The following DND1 variants were observed in gnomAD, a reference collection of about 807,000 sequenced individuals.
The protein encoded by DND1 is dead end protein homolog 1.
A neutral mutation model predicts 30.4 loss-of-function variants in DND1; 6 were observed. The observed-to-expected ratio is 0.20, with a 90% CI of 0.11 to 0.39. The LOEUF (loss-of-function observed/expected upper bound fraction) is 0.39. Ranked by LOEUF, DND1 falls within the 10% of genes least tolerant of loss-of-function variation. The probability of loss-of-function intolerance (pLI) is 1.00; values close to 1 mark genes in which losing one functional copy is unlikely to be tolerated. For missense variants in DND1, 358 were observed against 474.9 expected (o/e 0.75, Z 2.29); for synonymous variants, 178 against 210.4 (o/e 0.85, Z 1.33).
chr5:140,671,440 G>T lies in DND1; in HGVS notation c.915C>A (p.Ile305=). 6.2e-7 allele frequency: 1 copy of T among 1,611,762 alleles called. No individual in the cohort carries two copies. The highest frequency in any genetic ancestry group is 2.2e-5 in the East Asian group (1 of 44,884). Residue 305 remains isoleucine, a synonymous_variant, in exon 4 of 4, where the codon ATC becomes ATA. Coordinates refer to ENST00000542735, the MANE Select transcript of DND1 (RefSeq NM_194249.3). ...GGCCATCTAGGGTCAGCACAACCCA[G>T]ATGAGGCCGCTGAAGGGCACCGGAT... ...PGHPVPFSGL[I]WVVLTLDGRD...
Position 140,671,727 on chromosome 5 carries a change from G to T in DND1, c.628C>A (p.Gln210Lys). 3.2e-6 allele frequency: 5 copies of T among 1,577,706 alleles called. No individual in the cohort carries two copies. Among genetic ancestry groups the T allele is most frequent in the Non-Finnish European group, 4.3e-6 (5 of 1,161,134 alleles). The change falls in exon 4 of 4, where the codon CAG becomes AAG. Residue 210 changes from glutamine (Q) to lysine (K), a missense_variant. This residue lies in a region of DND1 where 176 missense variants were observed against 235.2 expected (regional missense o/e 0.75). Transcript: ENST00000542735. ...VEGQSHLCGE[Q>K]VAVEWLKPDL... Reference sequence around the variant, plus strand: ...GGCTTGAGCCACTCCACAGCCACCTGCTCTCCACAGAGGTGTGACTGCCCT... The same window carrying T: ...GGCTTGAGCCACTCCACAGCCACCTTCTCTCCACAGAGGTGTGACTGCCCT...
chr5:140,673,106 C>A, intron 2 of DND1, 165 bp downstream of exon 2: 3 of 1,004,132 alleles, frequency 3.0e-6, no homozygotes, highest in Admixed American at 1.8e-5. Flanking sequence ...TTGAGATTGG[C>A]CCCCTCCCTC....
At chr5:140,672,217 G>A in intron 3 of DND1, 1 of 592,886 alleles carries the variant, frequency 1.7e-6, no homozygotes, top group Non-Finnish European at 3.0e-6. Flanking sequence ...TGGGGGTGGG[G>A]GAAGGTTGAG....
Position 140,673,319 on chromosome 5 carries a change from G to C in DND1, c.94C>G (p.Arg32Gly), listed in dbSNP as rs139029027. The change falls in exon 2 of 4, where the codon CGC becomes GGC. Residue 32 changes from arginine to glycine, a missense_variant. By Grantham distance (125) the Arg-to-Gly change is moderately radical. This residue lies in a region of DND1 where 120 missense variants were observed against 199.1 expected (regional missense o/e 0.60). Transcript: ENST00000542735. ...CTCTGCCCGTTCACCTGCACCAGGC[G>C]GATGCCTGTCTCCCTGACCCACGCC... The part of the protein sequence containing the change: ...LEAWVRETGI[R>G]LVQVNGQRKY... 1.1e-4 allele frequency: 172 copies of C among 1,613,996 alleles called. No individual in the cohort carries two copies. Among genetic ancestry groups the C allele is most frequent in the Non-Finnish European group, 1.3e-4 (157 of 1,180,004 alleles).
At chr5:140,672,290 C>G in intron 3 of DND1, 155 bp downstream of exon 3, 1 of 789,242 alleles carries the variant, frequency 1.3e-6, no homozygotes, top group Non-Finnish European at 2.0e-6. Flanking sequence ...GGTGGTAGCA[C>G]CATTGGAAGT....
intron 3 of DND1, 106 bp from the exon 4 acceptor site, chr5:140,671,856 T>C: frequency 7.8e-7 from 1 of 1,276,682 alleles, no homozygotes; most frequent in Non-Finnish European, 1.1e-6. Context: ...AGCCTTCCCA[T>C]TTCCTGGTAG....
In DND1 at chr5:140,673,568, C is replaced by T. The variant is rs566043624; in HGVS notation, c.-26G>A. ...GGCTCTCCAGCTGGCCCCCTCGTAC[C>T]CTCTTTATAACTTCCTCCCCACCGG... On this transcript the variant is annotated 5_prime_UTR_variant, in exon 1 of 4. Transcript: ENST00000542735. 5.8e-6 allele frequency: 9 copies of T among 1,560,268 alleles called. No homozygotes were observed. In the African/African-American group the frequency reaches 8.2e-5, roughly 14 times the overall value.
rs1315364785 is a variant in DND1, at chr5:140,671,193, C to G, written c.*100G>C. The G allele has an allele frequency of 6.7e-6, 10 of 1,499,728 alleles. No individual in the cohort carries two copies. The highest frequency in any genetic ancestry group is 5.6e-5 in the African/African-American group (4 of 71,818). The allele number at this position is 1,499,728 out of a possible 1,614,324, so 92.9% of individuals were successfully genotyped here. A position where few individuals can be genotyped will look rare whatever the true frequency, so the allele number is the denominator to read the frequency against. On this transcript the variant is annotated 3_prime_UTR_variant, in exon 4 of 4. Transcript: ENST00000542735. ...ATGGGCCTGGGCCCATGCCCCTCCC[C>G]ACCTTTGGGGGTCAGAAAGTGGCCA...
In DND1 at chr5:140,670,848, CTA is replaced by C. The variant is rs1030364774; in HGVS notation, c.*443_*444del. On this transcript the variant is annotated 3_prime_UTR_variant, in exon 4 of 4. Transcript: ENST00000542735. ...ACAACCAGCATAGAAAGACCCAAAA[CTA>C]TACAGAAACCAAAACCAGAATGCCA... is the stretch of plus-strand genomic sequence containing the variant. 1 of 249,276 alleles carries C rather than the reference CTA, an allele frequency of 4.0e-6. No homozygotes were observed. Among genetic ancestry groups the C allele is most frequent in the Non-Finnish European group, 7.9e-6 (1 of 125,832 alleles). The allele number at this position is 249,276 out of a possible 1,614,324, so 15.4% of individuals were successfully genotyped here. A position where few individuals can be genotyped will look rare whatever the true frequency, so the allele number is the denominator to read the frequency against.
In DND1 at chr5:140,673,382, A is replaced by G. The variant is rs1167016329; in HGVS notation, c.31T>C (p.Cys11Arg). The change falls in exon 2 of 4, where the codon TGT becomes CGT. Residue 11 changes from cysteine to arginine, a missense_variant. By Grantham distance (180) the Cys-to-Arg change is radical. Around this residue, in one of 3 missense-constraint regions of DND1, gnomAD observed 120 missense variants for 199.1 expected, o/e 0.60. Coordinates refer to ENST00000542735, the MANE Select transcript of DND1 (RefSeq NM_194249.3). MQSKRDCELW[C>R]ERVNPENKAA... ...TTGTTCTCTGGATTCACCCTCTCAC[A>G]CCACAGCTGAGAGGGAAAGGAAGGT... 3 of 1,613,814 alleles carry G rather than the reference A, an allele frequency of 1.9e-6. No individual in the cohort carries two copies. The highest frequency in any genetic ancestry group is 2.2e-5 in the East Asian group (1 of 44,844).
At chr5:140,672,247 G>T in intron 3 of DND1, 198 bp downstream of exon 3, 1 of 629,894 alleles carries the variant, frequency 1.6e-6, no homozygotes. Flanking sequence ...AGGAGGTAAT[G>T]CTCGGGAAGT....
chr5:140,670,941 A>G lies in DND1; in HGVS notation c.*352T>C. On this transcript the variant is annotated 3_prime_UTR_variant, in exon 4 of 4. Coordinates refer to ENST00000542735, the MANE Select transcript of DND1 (RefSeq NM_194249.3). ...TCAGCTGCCCTTCCCCACAAATAAAAACCAACAAAGAGGACAAATCAGGAC... is the reference window on the plus strand; with the variant it reads ...TCAGCTGCCCTTCCCCACAAATAAAGACCAACAAAGAGGACAAATCAGGAC... 1 of 319,578 alleles carries G rather than the reference A, an allele frequency of 3.1e-6. No individual in the cohort carries two copies. Among genetic ancestry groups the G allele is most frequent in the Non-Finnish European group, 5.9e-6 (1 of 169,476 alleles). 19.8% of individuals were successfully genotyped at this position (319,578 alleles called of 1,614,324 possible). A position where few individuals can be genotyped will look rare whatever the true frequency, so the allele number is the denominator to read the frequency against.
rs1758135531 is a variant in DND1 at position 140,673,027 on chromosome 5, C to T, written c.143-121G>A. On this transcript the variant is annotated intron_variant, in intron 2 of 3. Coordinates refer to ENST00000542735, the MANE Select transcript of DND1 (RefSeq NM_194249.3). The stretch of plus-strand genomic sequence containing the variant: ...AAGGTCTGTGAAATGGGTTTACACC[C>T]GTACCCTGGGTGGTTGGCATAATTA... 12 of 1,207,710 alleles carry T rather than the reference C, an allele frequency of 9.9e-6. No homozygotes were observed. The East Asian group carries it at 2.5e-4, about 26-fold the overall frequency. 74.8% of individuals were successfully genotyped at this position (1,207,710 alleles called of 1,614,324 possible).
chr5:140,671,677 C>T lies in DND1; in HGVS notation c.678G>A (p.Gln226=). ...ACCGCAAGAAGGGACCCACAAGCTG[C>T]TGGCGAAGTCGCTGCTTCAGGTCTG... The part of the protein sequence containing the change: ...LKPDLKQRLR[Q]QLVGPFLRSP... Residue 226 remains glutamine, a synonymous_variant, in exon 4 of 4, where the codon CAG becomes CAA. Transcript: ENST00000542735. 2.5e-6 allele frequency: 4 copies of T among 1,584,198 alleles called. No homozygotes were observed. Among genetic ancestry groups the T allele is most frequent in the Non-Finnish European group, 3.4e-6 (4 of 1,165,092 alleles).
At position 140,671,578 on chromosome 5, in the gene DND1, C is replaced by T; in HGVS notation, c.777G>A (p.Leu259=). ...GCTTCATTCGTTGGCACAGCAACTG[C>T]AGGGTAGCCCGAGCCCCTTGGAACC... ...KLGFQGARAT[L]QLLCQRMKLG... The change falls in exon 4 of 4, where the codon CTG becomes CTA. Residue 259 remains leucine, a synonymous_variant. Coordinates refer to ENST00000542735, the MANE Select transcript of DND1 (RefSeq NM_194249.3). The T allele has an allele frequency of 6.4e-7, 1 of 1,566,992 alleles. No individual in the cohort carries two copies. Among genetic ancestry groups the T allele is most frequent in the Non-Finnish European group, 8.6e-7 (1 of 1,157,070 alleles).
At position 140,673,307 on chromosome 5, in the gene DND1, C is replaced by G. The variant is rs761004432; in HGVS notation, c.106G>C (p.Val36Leu). Residue 36 changes from valine (V) to leucine (L), a missense_variant, in exon 2 of 4, where the codon GTG becomes CTG. By Grantham distance (32) the Val-to-Leu change is conservative (BLOSUM62 1). Coordinates refer to ENST00000542735, the MANE Select transcript of DND1 (RefSeq NM_194249.3). ...VRETGIRLVQVNGQRKYGGPP... is the reference protein window; with the variant it reads ...VRETGIRLVQLNGQRKYGGPP... Reference sequence around the variant, plus strand: ...CCGCCATACTTCCTCTGCCCGTTCACCTGCACCAGGCGGATGCCTGTCTCC... The same window carrying G: ...CCGCCATACTTCCTCTGCCCGTTCAGCTGCACCAGGCGGATGCCTGTCTCC... 4 of 1,613,998 alleles carry G rather than the reference C, an allele frequency of 2.5e-6. No individual in the cohort carries two copies. In the African/African-American group the frequency reaches 4.0e-5, roughly 16 times the overall value.
At position 140,672,641 on chromosome 5, in the gene DND1, C is replaced by A. The variant is rs866342840; in HGVS notation, c.408G>T (p.Glu136Asp). 2 of 1,571,542 alleles carry A rather than the reference C, an allele frequency of 1.3e-6. No individual in the cohort carries two copies. The change falls in exon 3 of 4, where the codon GAG (glutamate) becomes GAT (aspartate). Residue 136 changes from glutamate (E) to aspartate (D), a missense_variant. By Grantham distance (45) the Glu-to-Asp change is conservative. Transcript: ENST00000542735. ...GGCCGTCAACGCTCAGCTCACACTTCTCGGTGCTGCGGCACACGAGCAGCG... is the reference window on the plus strand; with the variant it reads ...GGCCGTCAACGCTCAGCTCACACTTATCGGTGCTGCGGCACACGAGCAGCG... ...SCPLLVCRSTEKCELSVDGLP... is the reference protein window; with the variant it reads ...SCPLLVCRSTDKCELSVDGLP...
rs769284305 is a variant in DND1 at position 140,672,557 on chromosome 5, G to T, written c.492C>A (p.Gly164=). The T allele has an allele frequency of 1.9e-6, 3 of 1,586,940 alleles. No homozygotes were observed. Among genetic ancestry groups the T allele is most frequent in the Non-Finnish European group, 2.6e-6 (3 of 1,171,924 alleles). Reference sequence around the variant, plus strand: ...TGGGCAGCAGCCGCGCCTCCTGCAAGCCGGGACCCAGCGGCTGCAGCGCGA... The same window carrying T: ...TGGGCAGCAGCCGCGCCTCCTGCAATCCGGGACCCAGCGGCTGCAGCGCGA... ...LLLALQPLGP[G]LQEARLLPSP... The change falls in exon 3 of 4, where the codon GGC becomes GGA. Residue 164 remains glycine, a synonymous_variant. Transcript: ENST00000542735.
intron 3 of DND1, chr5:140,672,093 A>G (rs1017032265): frequency 3.7e-6 from 2 of 543,000 alleles, no homozygotes; most frequent in Non-Finnish European, 6.6e-6. Context: ...TTCTCATAAC[A>G]GTCTGAGGAA....
Sources: allele counts gnomAD v4.1 joint callset, GRCh38; gene constraint gnomAD v4.1.1; regional missense constraint gnomAD v4.1.1; transcripts MANE v1.5; gene names NCBI Gene and HGNC (gene_info 2026-07-23, HGNC 2026-07-21).